The following KCTD5 variants were observed in gnomAD, a reference collection of about 807,000 sequenced individuals.
KCTD5 encodes potassium channel tetramerization domain containing 5, also known as BTB/POZ domain-containing protein KCTD5.
Under a neutral mutation model 27.9 loss-of-function variants are expected in KCTD5, and 12 were observed. The ratio of observed to expected loss-of-function variants is 0.43; its 90% CI spans 0.28 to 0.70. KCTD5 has a LOEUF of 0.70. KCTD5 is among the 30% of genes least tolerant of loss of function. KCTD5 has a pLI of 0.19. For missense variants in KCTD5, 226 were observed against 274.8 expected, an observed-to-expected ratio of 0.82 and a Z score of 1.26; for synonymous variants, 147 against 121.4, an observed-to-expected ratio of 1.21 and a Z score of -1.39.
At position 2,707,523 on chromosome 16, in the gene KCTD5, GT is replaced by G. The variant is rs2067642227; in HGVS notation, c.*198del. Reference sequence around the variant, plus strand: ...GCTGTCCAAGGCCAGACGTCCCCAAGTTGGGGGAGCACGGCGGCCGGGTGGG... The same window carrying G: ...GCTGTCCAAGGCCAGACGTCCCCAAGTGGGGGAGCACGGCGGCCGGGTGGG... On this transcript the variant is annotated 3_prime_UTR_variant, in exon 6 of 6. Coordinates refer to ENST00000301738, the MANE Select transcript of KCTD5 (RefSeq NM_018992.4). 1.4e-6 allele frequency: 1 copy of G among 698,676 alleles called. No individual in the cohort carries two copies. The highest frequency in any genetic ancestry group is 1.8e-5 in the African/African-American group (1 of 56,552). 43.3% of individuals were successfully genotyped at this position (698,676 alleles called of 1,614,324 possible). A position where few individuals can be genotyped will look rare whatever the true frequency, so the allele number is the denominator to read the frequency against.
At position 2,702,403 on chromosome 16, in the gene KCTD5, G is replaced by T; in HGVS notation, c.600G>T (p.Glu200Asp). The T allele has an allele frequency of 6.2e-7, 1 of 1,613,514 alleles. No homozygotes were observed. Among genetic ancestry groups the T allele is most frequent in the Non-Finnish European group, 8.5e-7 (1 of 1,179,982 alleles). Residue 200 changes from glutamate to aspartate, a missense_variant, in exon 5 of 6, where the codon GAG becomes GAT. Coordinates refer to ENST00000301738, the MANE Select transcript of KCTD5 (RefSeq NM_018992.4). ...SYNYGNEDQA[E>D]FLCVVSKELH... Reference sequence around the variant, plus strand: ...ACTATGGGAACGAAGACCAAGCCGAGTTCCTCTGTGTGGTGTCCAAGGAGC... The same window carrying T: ...ACTATGGGAACGAAGACCAAGCCGATTTCCTCTGTGTGGTGTCCAAGGAGC...
At chr16:2,697,377 G>GTGGT in intron 2 of KCTD5, 3 of 154,512 alleles carry the variant, frequency 1.9e-5, no homozygotes, top group Admixed American at 6.4e-5. Context: ...GACCCTCTCA[G>GTGGT]CCAGCCACAG....
intron 5 of KCTD5, 94 bp from the exon 6 acceptor site, chr16:2,707,204 C>T: frequency 7.8e-7 from 1 of 1,280,146 alleles, no homozygotes; most frequent in Non-Finnish European, 1.1e-6. Flanking sequence ...CCGAGCTAAC[C>T]CCAGGCCTGT....
chr16:2,699,036 G>T (rs1417563667), intron 3 of KCTD5: 1 of 430,424 alleles, frequency 2.3e-6, no homozygotes, highest in African/African-American at 2.0e-5. Flanking sequence ...AGCAACTCGG[G>T]CATGTGACCT....
chr16:2,692,727 C>G (rs1489866915), intron 1 of KCTD5, among the ~76,000 whole-genome samples: 2 of 152,250 alleles, frequency 1.3e-5, no homozygotes, highest in South Asian at 2.1e-4. Flanking sequence ...GGGACCTACC[C>G]CCTTCTTCCC....
intron 5 of KCTD5, among the ~76,000 whole-genome samples, chr16:2,704,907 C>T (rs1415003170): frequency 1.3e-5 from 2 of 152,258 alleles, no homozygotes; most frequent in Admixed American, 6.5e-5. Flanking sequence ...GGTTCAGCCC[C>T]TCAGCACATG....
In KCTD5 at chr16:2,688,228, A is replaced by AAT. The variant is rs772886064; in HGVS notation, c.252+5445_252+5446dup. Among the ~76,000 whole-genome samples, 189 of 84,580 alleles carry AAT rather than the reference A, an allele frequency of 2.2e-3. 1 individual carries two copies. The East Asian group carries it at 0.032, about 14-fold the overall frequency. 55.5% of individuals were successfully genotyped at this position (84,580 alleles called of 152,430 possible). ...TTATTATTAAATAAATAAATAAATA[A>AAT]ATATATATATATATATATTTATTTA... is the stretch of plus-strand genomic sequence containing the variant. On this transcript the variant is annotated intron_variant, in intron 1 of 5. Coordinates refer to ENST00000301738, the MANE Select transcript of KCTD5 (RefSeq NM_018992.4).
intron 3 of KCTD5, among the ~76,000 whole-genome samples, chr16:2,698,574 G>A (rs1020007887): frequency 3.9e-5 from 6 of 152,190 alleles, no homozygotes; most frequent in African/African-American, 1.2e-4. Context: ...CATCAGTCCC[G>A]TCCCTGAGAG....
At chr16:2,682,962 C>T (rs1373434496) in intron 1 of KCTD5, 162 bp downstream of exon 1, 1 of 807,542 alleles carries the variant, frequency 1.2e-6, no homozygotes, top group Admixed American at 4.1e-5. Context: ...CAGCTTGCCC[C>T]GATCCCCTAC....
At chr16:2,700,804 C>CT (rs558354120) in intron 4 of KCTD5, among the ~76,000 whole-genome samples, 1 of 39,028 alleles carries the variant, frequency 2.6e-5, no homozygotes, top group Non-Finnish European at 6.2e-5. Flanking sequence ...GTACTTGGAG[C>CT]CCCCCCCCCC....
intron 2 of KCTD5, among the ~76,000 whole-genome samples, chr16:2,697,482 G>A (rs2067591436): frequency 6.6e-6 from 1 of 152,254 alleles, no homozygotes. Context: ...CCACCCAGTG[G>A]CGTGGCCATG....
intron 3 of KCTD5, chr16:2,699,224 G>C (rs1407997528): frequency 2.2e-6 from 1 of 455,940 alleles, no homozygotes; most frequent in Non-Finnish European, 4.4e-6. Flanking sequence ...CCACTGGGGA[G>C]CAGCTCCATG....
chr16:2,691,031 C>T (rs1407690220), intron 1 of KCTD5, among the ~76,000 whole-genome samples: 7 of 152,198 alleles, frequency 4.6e-5, no homozygotes, highest in East Asian at 3.9e-4. Flanking sequence ...GAGTAGCCCC[C>T]GCACACATTA....
chr16:2,683,668 C>CA (rs1264996448), intron 1 of KCTD5: 1 of 146,656 alleles, frequency 6.8e-6, no homozygotes, highest in East Asian at 1.9e-4. Flanking sequence ...TTGAAACTCA[C>CA]AAAAAAGCCT....
At chr16:2,685,141 A>AG (rs1334152891) in intron 1 of KCTD5, among the ~76,000 whole-genome samples, 1 of 152,186 alleles carries the variant, frequency 6.6e-6, no homozygotes, top group Non-Finnish European at 1.5e-5. Flanking sequence ...TAATTGGAGT[A>AG]GGGGCCGGGC....
intron 1 of KCTD5, among the ~76,000 whole-genome samples, chr16:2,692,628 C>T (rs560087330): frequency 3.3e-5 from 5 of 152,350 alleles, no homozygotes; most frequent in Admixed American, 6.5e-5. Flanking sequence ...GCCCGGAAAA[C>T]GCACCACAAG....
intron 5 of KCTD5, among the ~76,000 whole-genome samples, chr16:2,702,879 T>C (rs11860950): frequency 0.03 from 3,519 of 117,774 alleles, 26 homozygotes; most frequent in African/African-American, 0.056. Context: ...TGCAGGGACA[T>C]GGGGGTCCAG....
intron 5 of KCTD5, 148 bp downstream of exon 5, chr16:2,702,626 C>T (rs539173875): frequency 1.5e-4 from 162 of 1,115,568 alleles, no homozygotes; most frequent in African/African-American, 7.7e-4. Context: ...CACGGTCTCC[C>T]GTGGGACAGG....
intron 1 of KCTD5, among the ~76,000 whole-genome samples, chr16:2,691,845 G>A (rs1026500117): frequency 9.2e-5 from 14 of 152,202 alleles, no homozygotes; most frequent in African/African-American, 2.9e-4. Flanking sequence ...GGGGTCCCCC[G>A]CGGTGCCTCA....
Sources: allele counts gnomAD v4.1 joint callset (sites outside exome capture counted in the v4.1 genomes callset), GRCh38; gene constraint gnomAD v4.1.1; transcripts MANE v1.5; gene names NCBI Gene and HGNC (gene_info 2026-07-23, HGNC 2026-07-21).